Variants in CNPY3 observed in about 807,000 individuals in gnomAD.
CNPY3 encodes protein canopy homolog 3.
CNPY3 carries 20 observed loss-of-function variants against 32.0 expected under a neutral mutation model. The ratio of observed to expected loss-of-function variants is 0.63; its 90% CI spans 0.44 to 0.91. The LOEUF is 0.91. Ranked by LOEUF, CNPY3 falls within the 40% of genes least tolerant of loss-of-function variation. The probability of loss-of-function intolerance (pLI) is 0.00; values close to 1 mark genes in which losing one functional copy is unlikely to be tolerated. For synonymous variants in CNPY3, 138 were observed against 142.9 expected, an observed-to-expected ratio of 0.97 and a Z score of 0.24; for missense variants, 299 against 340.8, an observed-to-expected ratio of 0.88 and a Z score of 0.97.
At chr6:42,932,411 G>T (rs3793024) in intron 1 of CNPY3, among the ~76,000 whole-genome samples, 1 of 152,080 alleles carries the variant, frequency 6.6e-6, no homozygotes, top group African/African-American at 2.4e-5. Context: ...GAACCTGCCC[G>T]GAAAAAAAGA....
upstream of CNPY3, chr6:42,929,203 G>A (rs995549689): frequency 1.5e-5 from 2 of 130,440 alleles, no homozygotes; most frequent in Non-Finnish European, 1.3e-5. Flanking sequence ...CCCAGACGCA[G>A]GCTTCTTCTC....
At position 42,934,911 on chromosome 6, in the gene CNPY3, C is replaced by T. The variant is rs141804736; in HGVS notation, c.275+313C>T. 3.8e-3 allele frequency among the ~76,000 whole-genome samples: 572 copies of T among 152,316 alleles called. 5 individuals are homozygous for T. The highest frequency in any genetic ancestry group is 5.8e-3 in the Non-Finnish European group (394 of 68,014). On this transcript the variant is annotated intron_variant, in intron 2 of 5. Coordinates refer to ENST00000372836, the MANE Select transcript of CNPY3 (RefSeq NM_006586.5). ...CGGAGTTTCACTCTTGTTGCCCAGG[C>T]TGGAGTGCAATGGCATGATCTTTGC...
In CNPY3 at chr6:42,935,682, G is replaced by C; in HGVS notation, c.372+12G>C. 1 of 1,606,224 alleles carries C rather than the reference G, an allele frequency of 6.2e-7. No individual in the cohort carries two copies. The highest frequency in any genetic ancestry group is 8.5e-7 in the Non-Finnish European group (1 of 1,173,754). ...ATCGATTTGCCAAGGTTGGATTCGG[G>C]ATTGTCCTTCATCCGCTCTGGGGTC... is the stretch of plus-strand genomic sequence containing the variant. On this transcript the variant is annotated intron_variant, in intron 3 of 5. Transcript: ENST00000372836.
At chr6:42,932,586 C>A (rs1034027575) in intron 1 of CNPY3, among the ~76,000 whole-genome samples, 1 of 152,096 alleles carries the variant, frequency 6.6e-6, no homozygotes, top group African/African-American at 2.4e-5. Flanking sequence ...TCCAAACCTC[C>A]CCTTTCCCCA....
intron 1 of CNPY3, among the ~76,000 whole-genome samples, chr6:42,931,204 C>T (rs1055169706): frequency 6.8e-6 from 1 of 146,528 alleles, no homozygotes; most frequent in East Asian, 2.1e-4. Context: ...TTTCACTTTT[C>T]GCTCTTCCTC....
At position 42,934,568 on chromosome 6, in the gene CNPY3, A is replaced by G. The variant is rs757490459; in HGVS notation, c.245A>G (p.Gln82Arg). 36 of 1,614,028 alleles carry G rather than the reference A, an allele frequency of 2.2e-5. No homozygotes were observed. The East Asian group carries it at 3.8e-4, about 17-fold the overall frequency. ...VIGTGYGILD[Q>R]KASGVKYTKS... ...GGCACGGGCTATGGCATCCTGGACC[A>G]GAAGGCCTCTGGAGTCAAATACACC... Residue 82 changes from glutamine to arginine, a missense_variant, in exon 2 of 6, where the codon CAG (glutamine) becomes CGG (arginine). Gln to Arg is a conservative substitution (Grantham distance 43, BLOSUM62 1). Around this residue, in one of 2 missense-constraint regions of CNPY3, gnomAD observed 211 missense variants for 278.3 expected, o/e 0.76. Transcript: ENST00000372836.
chr6:42,938,431 C>A, intron 5 of CNPY3, 137 bp from the exon 6 acceptor site: 2 of 902,074 alleles, frequency 2.2e-6, no homozygotes, highest in Non-Finnish European at 3.4e-6. Context: ...GTGGCCACAG[C>A]GAGAGGCAGG....
In CNPY3 at chr6:42,934,547, C is replaced by T. The variant is rs755208427; in HGVS notation, c.224C>T (p.Thr75Met). The change falls in exon 2 of 6, where the codon ACG becomes ATG. Residue 75 changes from threonine (T) to methionine (M), a missense_variant. Thr to Met is a moderately conservative substitution (Grantham distance 81). Transcript: ENST00000372836. ...ETGKTKEVIG[T>M]GYGILDQKAS... is the part of the protein sequence containing the mutation. ...GGCAAGACCAAGGAGGTGATTGGCA[C>T]GGGCTATGGCATCCTGGACCAGAAG... The T allele has an allele frequency of 5.6e-6, 9 of 1,614,106 alleles. No homozygotes were observed. Among genetic ancestry groups the T allele is most frequent in the Admixed American group, 3.3e-5 (2 of 60,000 alleles).
intron 1 of CNPY3, among the ~76,000 whole-genome samples, chr6:42,931,532 G>GC (rs1767818564): frequency 1.3e-5 from 2 of 151,254 alleles, no homozygotes; most frequent in South Asian, 4.2e-4. Flanking sequence ...ACCACTCCCG[G>GC]CTATTTTTAG....
Position 42,929,536 on chromosome 6 carries a change from CGCCCGGTCCTTTAG to C in CNPY3, c.-33_-20del. 2 of 1,525,750 alleles carry C rather than the reference CGCCCGGTCCTTTAG, an allele frequency of 1.3e-6. No individual in the cohort carries two copies. The highest frequency in any genetic ancestry group is 2.4e-5 in the South Asian group (2 of 83,438). The allele number at this position is 1,525,750 out of a possible 1,614,324, so 94.5% of individuals were successfully genotyped here. A position where few individuals can be genotyped will look rare whatever the true frequency, so the allele number is the denominator to read the frequency against. ...CCGCGCGCGCCGCGGGAGGAGGAACCGCCCGGTCCTTTAGGGTCCGGGCCCGGCCGGGCCATGGA... is the reference window on the plus strand; with the variant it reads ...CCGCGCGCGCCGCGGGAGGAGGAACCGGTCCGGGCCCGGCCGGGCCATGGA... On this transcript the variant is annotated 5_prime_UTR_variant, in exon 1 of 6. Transcript: ENST00000372836.
At chr6:42,931,345 T>C (rs1314188347) in intron 1 of CNPY3, among the ~76,000 whole-genome samples, 1 of 151,452 alleles carries the variant, frequency 6.6e-6, no homozygotes, top group Non-Finnish European at 1.5e-5. Flanking sequence ...TACAAAGTAT[T>C]GGGATTACAG....
In CNPY3 at chr6:42,938,478, C is replaced by T. The variant is rs575662150; in HGVS notation, c.614-90C>T. ...CTGATGTCAAGCACAGTCCCAGTTGCTACTCCCACGGCTCCCTGCTCAGTG... is the reference window on the plus strand; with the variant it reads ...CTGATGTCAAGCACAGTCCCAGTTGTTACTCCCACGGCTCCCTGCTCAGTG... On this transcript the variant is annotated intron_variant, in intron 5 of 5. Coordinates refer to ENST00000372836, the MANE Select transcript of CNPY3 (RefSeq NM_006586.5). 18 of 1,259,440 alleles carry T rather than the reference C, an allele frequency of 1.4e-5. No homozygotes were observed. The South Asian group carries it at 2.0e-4, about 14-fold the overall frequency. 78.0% of individuals were successfully genotyped at this position (1,259,440 alleles called of 1,614,324 possible). A position where few individuals can be genotyped will look rare whatever the true frequency, so the allele number is the denominator to read the frequency against.
chr6:42,932,702 G>A (rs1379161865), intron 1 of CNPY3, among the ~76,000 whole-genome samples: 1 of 152,328 alleles, frequency 6.6e-6, no homozygotes, highest in Admixed American at 6.5e-5. Flanking sequence ...GTCCTGGATG[G>A]AGAGCTGGGG....
In CNPY3 at chr6:42,939,237, C is replaced by G. The variant is rs1235011385; in HGVS notation, c.*446C>G. ...ACTCTGCCTGGCCCTTCCCAGAGCCCAAAGAGTAAAAATGTTCTGGTTCTG... is the reference window on the plus strand; with the variant it reads ...ACTCTGCCTGGCCCTTCCCAGAGCCGAAAGAGTAAAAATGTTCTGGTTCTG... On this transcript the variant is annotated 3_prime_UTR_variant, in exon 6 of 6. Transcript: ENST00000372836. 1.0e-6 allele frequency: 1 copy of G among 991,730 alleles called. No homozygotes were observed. Among genetic ancestry groups the G allele is most frequent in the South Asian group, 4.7e-5 (1 of 21,390 alleles). 61.4% of individuals were successfully genotyped at this position (991,730 alleles called of 1,614,324 possible).
At chr6:42,936,880 G>T (rs2114178526) in intron 3 of CNPY3, among the ~76,000 whole-genome samples, 1 of 152,246 alleles carries the variant, frequency 6.6e-6, no homozygotes, top group East Asian at 1.9e-4. Flanking sequence ...TAGTGTGTAT[G>T]CTATACCACT....
chr6:42,933,945 C>T (rs1043382526), intron 1 of CNPY3, among the ~76,000 whole-genome samples: 3 of 151,994 alleles, frequency 2.0e-5, no homozygotes, highest in African/African-American at 4.8e-5. Context: ...CCGAGGTGGG[C>T]GGATCGCTTG....
upstream of CNPY3, among the ~76,000 whole-genome samples, chr6:42,928,173 G>A (rs940223233): frequency 2.0e-5 from 3 of 152,080 alleles, no homozygotes; most frequent in Non-Finnish European, 4.4e-5. Flanking sequence ...ATCTTTAGTA[G>A]AGATGGGGTT....
At position 42,935,956 on chromosome 6, in the gene CNPY3, G is replaced by A. The variant is rs989839695; in HGVS notation, c.372+286G>A. 2.7e-5 allele frequency among the ~76,000 whole-genome samples: 4 copies of A among 150,474 alleles called. No homozygotes were observed. The South Asian group carries it at 6.2e-4, about 23-fold the overall frequency. ...CGTGGGAACCTAAAGACACTAGAAC[G>A]GGGAGAACTCAGCAAGATCCACGAT... On this transcript the variant is annotated intron_variant, in intron 3 of 5. Coordinates refer to ENST00000372836, the MANE Select transcript of CNPY3 (RefSeq NM_006586.5).
intron 1 of CNPY3, among the ~76,000 whole-genome samples, chr6:42,932,058 ACTCTCC>A (rs1767866853): frequency 6.6e-6 from 1 of 151,456 alleles, no homozygotes; most frequent in African/African-American, 2.4e-5. Flanking sequence ...AAGAGCCCAT[ACTCTCC>A]CTCTTATTAT....
Sources: allele counts gnomAD v4.1 joint callset (sites outside exome capture counted in the v4.1 genomes callset), GRCh38; gene constraint gnomAD v4.1.1; regional missense constraint gnomAD v4.1.1; transcripts MANE v1.5; gene names NCBI Gene and HGNC (gene_info 2026-07-23, HGNC 2026-07-21).